Variants in POGZ observed in about 807,000 individuals in gnomAD.
The protein encoded by POGZ is pogo transposable element with ZNF domain.
POGZ carries 17 observed loss-of-function variants against 134.6 expected under a neutral mutation model. The observed-to-expected ratio is 0.13, with a 90% CI of 0.09 to 0.19. The LOEUF (loss-of-function observed/expected upper bound fraction) is 0.19, where lower values mean the gene tolerates loss of function less well. Ranked by LOEUF, POGZ falls within the 10% of genes least tolerant of loss-of-function variation. The pLI is 1.00. For synonymous variants in POGZ, 693 were observed against 657.1 expected, an observed-to-expected ratio of 1.05 and a Z score of -0.84; for missense variants, 1,306 against 1,769.7, an observed-to-expected ratio of 0.74 and a Z score of 4.70.
intron 3 of POGZ, among the ~76,000 whole-genome samples, chr1:151,438,848 G>A (rs1479006338): frequency 6.6e-6 from 1 of 151,860 alleles, no homozygotes; most frequent in East Asian, 1.9e-4. Flanking sequence ...CTGCACTCCA[G>A]CGTGGGTGAC....
intron 1 of POGZ, among the ~76,000 whole-genome samples, chr1:151,448,949 T>C (rs999251328): frequency 2.0e-5 from 3 of 152,180 alleles, no homozygotes; most frequent in African/African-American, 7.2e-5. Flanking sequence ...TGTCAAACAT[T>C]TCAAACGAAA....
At chr1:151,448,392 A>G (rs1661564512) in intron 1 of POGZ, among the ~76,000 whole-genome samples, 1 of 152,066 alleles carries the variant, frequency 6.6e-6, no homozygotes, top group Non-Finnish European at 1.5e-5. Context: ...TGAGAGGATT[A>G]CCTGAGTTCA....
chr1:151,413,820 C>T (rs1316704293), intron 10 of POGZ, among the ~76,000 whole-genome samples: 1 of 152,038 alleles, frequency 6.6e-6, no homozygotes, highest in East Asian at 1.9e-4. Context: ...ACCAGAATTA[C>T]AGGTATGAGC....
At position 151,413,291 on chromosome 1, in the gene POGZ, AT is replaced by A. The variant is rs1184662051; in HGVS notation, c.1679-896del. 8.0e-4 allele frequency among the ~76,000 whole-genome samples: 120 copies of A among 150,714 alleles called. 1 individual carries two copies. The highest frequency in any genetic ancestry group is 1.1e-3 in the Non-Finnish European group (73 of 67,610). On this transcript the variant is annotated intron_variant, in intron 10 of 18. Coordinates refer to ENST00000271715, the MANE Select transcript of POGZ (RefSeq NM_015100.4). ...CACCATGCCCAAGTAATTAAAAAAAATTTTTTTTTGTAGGGACAGGGTCTCG... is the reference window on the plus strand; with the variant it reads ...CACCATGCCCAAGTAATTAAAAAAAATTTTTTTTGTAGGGACAGGGTCTCG...
At chr1:151,458,842 G>A (rs996912289) in intron 1 of POGZ, among the ~76,000 whole-genome samples, 4 of 145,610 alleles carry the variant, frequency 2.7e-5, no homozygotes, top group South Asian at 4.2e-4. Context: ...GGCGCCGGGG[G>A]GCGGGGGCGG....
Position 151,414,279 on chromosome 1 carries a change from C to T in POGZ, c.1679-1883G>A, listed in dbSNP as rs1044890694. Among the ~76,000 whole-genome samples the T allele has an allele frequency of 3.3e-5, 5 of 152,150 alleles. No homozygotes were observed. The East Asian group carries it at 5.8e-4, about 18-fold the overall frequency. ...TATTATCTCTTTTCCACTCACCCCC[C>T]GATTTGTTTACCTCTCTCATTTTTC... is the stretch of plus-strand genomic sequence containing the variant. On this transcript the variant is annotated intron_variant, in intron 10 of 18. Coordinates refer to ENST00000271715, the MANE Select transcript of POGZ (RefSeq NM_015100.4).
intron 3 of POGZ, among the ~76,000 whole-genome samples, chr1:151,435,579 A>G (rs1659440162): frequency 6.7e-6 from 1 of 150,374 alleles, no homozygotes; most frequent in East Asian, 2.0e-4. Context: ...TGCAACCTCC[A>G]CCTCTCAGGT....
intron 1 of POGZ, among the ~76,000 whole-genome samples, chr1:151,449,277 C>A (rs1013287566): frequency 2.6e-5 from 4 of 152,166 alleles, no homozygotes; most frequent in African/African-American, 9.7e-5. Context: ...ATTAAGGAAT[C>A]TTCATAAGTG....
intron 17 of POGZ, 48 bp from the exon 18 acceptor site, chr1:151,406,679 G>A (rs1368453338): frequency 6.6e-7 from 1 of 1,518,576 alleles, no homozygotes; most frequent in African/African-American, 1.4e-5. Flanking sequence ...GAAAAAATAA[G>A]CCCTCCAAAG....
rs183361624 is a variant in POGZ at position 151,446,574 on chromosome 1, A to C, written c.-1-4369T>G. Among the ~76,000 whole-genome samples the C allele has an allele frequency of 6.5e-3, 990 of 151,778 alleles. 11 individuals carry two copies. The highest frequency in any genetic ancestry group is 0.023 in the African/African-American group (939 of 41,388). On this transcript the variant is annotated intron_variant, in intron 1 of 18. Transcript: ENST00000271715. ...AGTTCGAGACTAGCCTGGCTAACAT[A>C]GTGAAACCCCATCTCTACTAAAAAT...
In POGZ at chr1:151,430,547, A is replaced by G. The variant is rs556096210; in HGVS notation, c.459+119T>C. On this transcript the variant is annotated intron_variant, in intron 4 of 18. Transcript: ENST00000271715. ...TTACAGAACAGTAAAAGAGAAAGCC[A>G]GGTCAAAAGACAAGACTTAGAACCA... is the stretch of plus-strand genomic sequence containing the variant. 8.6e-6 allele frequency: 6 copies of G among 698,392 alleles called. No individual in the cohort carries two copies. The Admixed American group carries it at 1.7e-4, about 20-fold the overall frequency. 43.3% of individuals were successfully genotyped at this position (698,392 alleles called of 1,614,324 possible). A position where few individuals can be genotyped will look rare whatever the true frequency, so the allele number is the denominator to read the frequency against.
At chr1:151,416,759 G>A (rs1202226446) in intron 10 of POGZ, among the ~76,000 whole-genome samples, 1 of 151,198 alleles carries the variant, frequency 6.6e-6, no homozygotes, top group African/African-American at 2.4e-5. Context: ...GAGCAGCTGG[G>A]GCTACAGGCA....
At chr1:151,450,405 T>C (rs1661902187) in intron 1 of POGZ, among the ~76,000 whole-genome samples, 1 of 151,838 alleles carries the variant, frequency 6.6e-6, no homozygotes. Flanking sequence ...TGGGCTGTAG[T>C]GCAGTGGCGC....
chr1:151,442,408 A>G (rs996712923), intron 1 of POGZ: 14 of 406,578 alleles, frequency 3.4e-5, no homozygotes, highest in Non-Finnish European at 5.7e-5. Context: ...ACAGCAAATT[A>G]TTTAATAATT....
chr1:151,409,482 C>T (rs761637983), intron 12 of POGZ, among the ~76,000 whole-genome samples: 16 of 152,124 alleles, frequency 1.1e-4, no homozygotes, highest in African/African-American at 2.7e-4. Flanking sequence ...ACTACAGGCA[C>T]GTGCCACCAC....
chr1:151,430,976 C>T (rs1055910529), intron 3 of POGZ, 135 bp from the exon 4 acceptor site: 1 of 516,406 alleles, frequency 1.9e-6, no homozygotes, highest in Non-Finnish European at 2.8e-6. Context: ...CACTCTGTCA[C>T]CCAGGCTGGA....
At chr1:151,410,437 C>T (rs1654464625) in intron 12 of POGZ, among the ~76,000 whole-genome samples, 1 of 152,290 alleles carries the variant, frequency 6.6e-6, no homozygotes, top group African/African-American at 2.4e-5. Flanking sequence ...CTTCCTGTAA[C>T]ATATGACATT....
intron 8 of POGZ, chr1:151,424,495 C>T (rs1657446807): frequency 6.9e-6 from 3 of 437,374 alleles, no homozygotes; most frequent in Non-Finnish European, 1.2e-5. Flanking sequence ...TTGTATTTCT[C>T]CCTCCTGCCT....
intron 10 of POGZ, among the ~76,000 whole-genome samples, chr1:151,417,067 T>A (rs1412219743): frequency 6.6e-6 from 1 of 151,468 alleles, no homozygotes; most frequent in Non-Finnish European, 1.5e-5. Flanking sequence ...TTCTGTTAGA[T>A]CTTTTTTTTT....
Sources: allele counts gnomAD v4.1 joint callset (sites outside exome capture counted in the v4.1 genomes callset), GRCh38; gene constraint gnomAD v4.1.1; transcripts MANE v1.5; gene names NCBI Gene and HGNC (gene_info 2026-07-23, HGNC 2026-07-21).